Variants in CFAP299 observed in about 807,000 individuals in gnomAD.
CFAP299 encodes cilia- and flagella-associated protein 299.
Under a neutral mutation model 27.0 loss-of-function variants are expected in CFAP299, and 21 were observed. The ratio of observed to expected loss-of-function variants is 0.78; its 90% CI spans 0.55 to 1.12. CFAP299 has a LOEUF of 1.12. Among genes scored for constraint, CFAP299 ranks in the 50% most tolerant of loss-of-function variants. The pLI, the probability that CFAP299 is intolerant of heterozygous loss-of-function variation, is 0.00. For synonymous variants in CFAP299, 104 were observed against 98.1 expected, an observed-to-expected ratio of 1.06 and a Z score of -0.36; for missense variants, 310 against 276.6, an observed-to-expected ratio of 1.12 and a Z score of -0.86.
At chr4:80,619,262 AT>A (rs35579753) in intron 3 of CFAP299, among the ~76,000 whole-genome samples, 44,594 of 152,096 alleles carry the variant, frequency 0.29, 9,686 homozygotes, top group African/African-American at 0.6. Context: ...TATCAAAACT[AT>A]TTGAACCAAA....
intron 2 of CFAP299, among the ~76,000 whole-genome samples, chr4:80,503,434 A>C (rs376539034): frequency 6.6e-6 from 1 of 152,098 alleles, no homozygotes; most frequent in South Asian, 2.1e-4. Flanking sequence ...AGTTTCCCAC[A>C]TACTGAATTT....
intron 2 of CFAP299, among the ~76,000 whole-genome samples, chr4:80,458,844 A>G (rs1372157404): frequency 6.6e-6 from 1 of 152,118 alleles, no homozygotes; most frequent in Non-Finnish European, 1.5e-5. Flanking sequence ...TATCCCAATA[A>G]CAGATCTGTT....
intron 3 of CFAP299, among the ~76,000 whole-genome samples, chr4:80,609,970 C>G (rs1737881783): frequency 1.3e-5 from 2 of 151,982 alleles, no homozygotes; most frequent in Non-Finnish European, 2.9e-5. Flanking sequence ...CTATCCTTAT[C>G]CAGATTATAT....
intron 3 of CFAP299, among the ~76,000 whole-genome samples, chr4:80,800,486 TATATAATATA>T: frequency 8.4e-4 from 2 of 2,388 alleles, no homozygotes; most frequent in African/African-American, 1.3e-3. Context: ...TATTATATAA[TATATAATATA>T]TAATATATTA....
chr4:80,859,950 G>C (rs1399208491), intron 3 of CFAP299, among the ~76,000 whole-genome samples: 1 of 152,106 alleles, frequency 6.6e-6, no homozygotes, highest in East Asian at 1.9e-4. Flanking sequence ...GAATCTGAAT[G>C]TTGGCCTGTC....
At chr4:80,636,281 A>T (rs1475829648) in intron 3 of CFAP299, among the ~76,000 whole-genome samples, 1 of 152,094 alleles carries the variant, frequency 6.6e-6, no homozygotes, top group Admixed American at 6.6e-5. Flanking sequence ...GTATCCTCAG[A>T]CCCTTCCTTT....
At chr4:80,637,892 C>T (rs1477305249) in intron 3 of CFAP299, among the ~76,000 whole-genome samples, 1 of 152,318 alleles carries the variant, frequency 6.6e-6, no homozygotes, top group Admixed American at 6.5e-5. Flanking sequence ...TCAGTACAAT[C>T]TCTGTATTTC....
intron 3 of CFAP299, among the ~76,000 whole-genome samples, chr4:80,746,031 A>C (rs1182657995): frequency 6.6e-6 from 1 of 152,060 alleles, no homozygotes; most frequent in African/African-American, 2.4e-5. Flanking sequence ...TCAGGTGATC[A>C]GGTGTAAAGT....
At chr4:80,390,756 CATATGTAT>C (rs1006786320) in intron 2 of CFAP299, among the ~76,000 whole-genome samples, 2 of 96,240 alleles carry the variant, frequency 2.1e-5, no homozygotes, top group African/African-American at 4.3e-5. Flanking sequence ...TATATACACA[CATATGTAT>C]ATATGTATAT....
At chr4:80,457,958 G>T (rs1488858206) in intron 2 of CFAP299, among the ~76,000 whole-genome samples, 5 of 152,072 alleles carry the variant, frequency 3.3e-5, no homozygotes, top group Admixed American at 3.3e-4. Context: ...TTTCTATCCT[G>T]TGGCATATTA....
At position 80,625,041 on chromosome 4, in the gene CFAP299, C is replaced by G. The variant is rs547544415; in HGVS notation, c.333+41858C>G. 7.2e-4 allele frequency among the ~76,000 whole-genome samples: 109 copies of G among 152,120 alleles called. 3 individuals are homozygous for G. Among genetic ancestry groups the G allele is most frequent in the Non-Finnish European group, 1.5e-3 (99 of 67,948 alleles). The stretch of plus-strand genomic sequence containing the variant: ...ACACTAATAAGTCACGTGAAAACAC[C>G]TGAAAGTATAAAACTCACTGGTAAA... On this transcript the variant is annotated intron_variant, in intron 3 of 5. Coordinates refer to ENST00000358105, the MANE Select transcript of CFAP299 (RefSeq NM_152770.3).
chr4:80,485,004 T>C (rs1014538919), intron 2 of CFAP299, among the ~76,000 whole-genome samples: 19 of 152,132 alleles, frequency 1.2e-4, no homozygotes, highest in African/African-American at 3.9e-4. Flanking sequence ...GTCACTAGCA[T>C]CAATGAATGT....
chr4:80,909,802 G>A (rs1161996123), intron 4 of CFAP299, among the ~76,000 whole-genome samples: 1 of 151,926 alleles, frequency 6.6e-6, no homozygotes, highest in Non-Finnish European at 1.5e-5. Context: ...AATACAGAAA[G>A]CAGCATGCTT....
At chr4:80,350,080 A>G (rs1348329032) in intron 1 of CFAP299, among the ~76,000 whole-genome samples, 1 of 152,206 alleles carries the variant, frequency 6.6e-6, no homozygotes, top group African/African-American at 2.4e-5. Context: ...ATAACAAAAG[A>G]CATAAACAAA....
chr4:80,836,967 C>G (rs1395916626), intron 3 of CFAP299, among the ~76,000 whole-genome samples: 8 of 151,928 alleles, frequency 5.3e-5, no homozygotes, highest in Non-Finnish European at 1.2e-4. Context: ...AAATATAATT[C>G]TAGGCTTTTG....
chr4:80,448,714 A>G (rs1306289268), intron 2 of CFAP299, among the ~76,000 whole-genome samples: 1 of 152,166 alleles, frequency 6.6e-6, no homozygotes, highest in East Asian at 1.9e-4. Context: ...AATAAAAAAA[A>G]AACCACATCT....
At chr4:80,797,590 G>A (rs530635441) in intron 3 of CFAP299, among the ~76,000 whole-genome samples, 1 of 152,246 alleles carries the variant, frequency 6.6e-6, no homozygotes, top group Non-Finnish European at 1.5e-5. Context: ...CTGCCACCTC[G>A]AGATCCAATT....
chr4:80,608,209 A>G (rs1038004257), intron 3 of CFAP299: 66 of 588,198 alleles, frequency 1.1e-4, no homozygotes, highest in Middle Eastern at 2.6e-4. Flanking sequence ...AGACTAAGTA[A>G]TTAGGAAATA....
chr4:80,940,332 G>A (rs931082719), intron 4 of CFAP299, among the ~76,000 whole-genome samples: 1 of 152,110 alleles, frequency 6.6e-6, no homozygotes, highest in Non-Finnish European at 1.5e-5. Flanking sequence ...AGCCTCTTGG[G>A]TACCATTCCA....
Sources: gnomAD v4.1 joint callset for allele counts (sites outside exome capture counted in the v4.1 genomes callset) on GRCh38, gnomAD v4.1.1 for gene constraint, MANE v1.5 for transcripts, NCBI Gene and HGNC (gene_info 2026-07-23, HGNC 2026-07-21) for gene names.